The following SI variants were observed in gnomAD, a reference collection of about 807,000 sequenced individuals.
The protein encoded by SI is sucrase-isomaltase.
A neutral mutation model predicts 253.3 loss-of-function variants in SI; 235 were observed. The ratio of observed to expected loss-of-function variants is 0.93; its 90% CI spans 0.83 to 1.03. The LOEUF is 1.03. SI is among the 50% of genes least tolerant of loss of function. The pLI is 0.00. For missense variants in SI, 2,442 were observed against 2,211.1 expected (o/e 1.10, Z -2.09); for synonymous variants, 819 against 712.0 (o/e 1.15, Z -2.39).
chr3:165,081,856 C>A (rs1715338382), upstream of SI, among the ~76,000 whole-genome samples: 1 of 151,646 alleles, frequency 6.6e-6, no homozygotes, highest in South Asian at 2.1e-4. Flanking sequence ...ATACTGGATA[C>A]AAAAGATTTT....
chr3:165,071,399 C>T (rs6774370), intron 3 of SI, among the ~76,000 whole-genome samples: 88,387 of 151,338 alleles, frequency 0.58, 26,181 homozygotes, highest in East Asian at 0.81. Flanking sequence ...TTGCCTTCAT[C>T]TGACACAGTT....
Position 164,985,730 on chromosome 3 carries a change from T to C in SI, c.5197+1408A>G, listed in dbSNP as rs561764221. On this transcript the variant is annotated intron_variant, in intron 45 of 47. Transcript: ENST00000264382. The stretch of plus-strand genomic sequence containing the variant: ...GTCAACAAAATGTTCAGAACGCTCA[T>C]CTAGTAGTACTGACACTATTAAATA... 2.0e-5 allele frequency among the ~76,000 whole-genome samples: 3 copies of C among 152,286 alleles called. No homozygotes were observed. The South Asian group carries it at 6.2e-4, about 32-fold the overall frequency.
In SI at chr3:164,983,579, A is replaced by T. The variant is rs187008979; in HGVS notation, c.5198-528T>A. ...GTTTATAGCCACCTCTTTAAGGTAT[A>T]ATCATTATTTTTTAGTTTTTATTTT... On this transcript the variant is annotated intron_variant, in intron 45 of 47. Transcript: ENST00000264382. Among the ~76,000 whole-genome samples, 195 of 152,150 alleles carry T rather than the reference A, an allele frequency of 1.3e-3. 2 individuals are homozygous for T. Among genetic ancestry groups the T allele is most frequent in the Non-Finnish European group, 1.2e-4 (8 of 67,976 alleles).
rs1471827894 is a variant in SI, at chr3:165,069,182, T to C, written c.269A>G (p.Gln90Arg). 6.2e-7 allele frequency: 1 copy of C among 1,608,108 alleles called. No individual in the cohort carries two copies. Among genetic ancestry groups the C allele is most frequent in the Admixed American group, 1.7e-5 (1 of 59,964 alleles). The change falls in exon 4 of 48, where the codon CAG becomes CGG. Residue 90 changes from glutamine (Q) to arginine (R), a missense_variant. Transcript: ENST00000264382. ...EQFPTEGICA[Q>R]RGCCWRPWND... ...CCACGGCCTCCAGCAGCAGCCTCTC[T>C]GTGCACAAATTCCCTGATAAAATAT...
At chr3:165,058,877 C>CACACACAT in intron 12 of SI, 86 bp downstream of exon 12, 2 of 1,088,156 alleles carry the variant, frequency 1.8e-6, no homozygotes, top group Non-Finnish European at 2.8e-6. Flanking sequence ...CACACACACA[C>CACACACAT]ACACACACAC....
intron 44 of SI, among the ~76,000 whole-genome samples, chr3:164,988,892 A>T (rs1306859377): frequency 6.6e-6 from 1 of 152,106 alleles, no homozygotes; most frequent in Non-Finnish European, 1.5e-5. Context: ...TCTCAGGCAA[A>T]TAAGAGAAGG....
At chr3:165,050,040 A>G (rs1000026420) in intron 13 of SI, among the ~76,000 whole-genome samples, 165 bp from the exon 14 acceptor site, 2 of 152,168 alleles carry the variant, frequency 1.3e-5, no homozygotes, top group Non-Finnish European at 1.5e-5. Context: ...CAGAATGTCT[A>G]TATCAGATAA....
chr3:165,012,969 G>A lies in SI; in HGVS notation c.4062+11C>T, dbSNP rs747768310. 3.0e-5 allele frequency: 47 copies of A among 1,565,834 alleles called. No individual in the cohort carries two copies. The highest frequency in any genetic ancestry group is 3.3e-5 in the Admixed American group (2 of 59,942). On this transcript the variant is annotated intron_variant, in intron 34 of 47. Coordinates refer to ENST00000264382, the MANE Select transcript of SI (RefSeq NM_001041.4). The stretch of plus-strand genomic sequence containing the variant: ...TCTTCTCATTGTATAGTTAGCCCGT[G>A]TAAAACTTACATTAACAGCTTCATC...
rs747623135 is a variant in SI, at chr3:165,074,667, T to C, written c.119A>G (p.Glu40Gly). The change falls in exon 3 of 48, where the codon GAA becomes GGA. Residue 40 changes from glutamate (E) to glycine (G), a missense_variant and splice_region_variant. Glu to Gly is a moderately conservative substitution (Grantham distance 98). Transcript: ENST00000264382. ...TGGAGTTGAAGTAGAATCACTAATT[T>C]CTGGGGGAGGAAAAAACTCAATAAA... is the stretch of plus-strand genomic sequence containing the variant. ...VLATKTPAVD[E>G]ISDSTSTPAT... The C allele has an allele frequency of 1.6e-5, 25 of 1,607,962 alleles. No homozygotes were observed. Among genetic ancestry groups the C allele is most frequent in the Non-Finnish European group, 2.0e-5 (24 of 1,175,554 alleles).
rs1358195532 is a variant in SI at position 165,063,508 on chromosome 3, A to C, written c.841T>G (p.Phe281Val). Residue 281 changes from phenylalanine (F) to valine (V), a missense_variant, in exon 8 of 48, where the codon TTT becomes GTT. Phe to Val is a conservative substitution (Grantham distance 50, BLOSUM62 -1). Coordinates refer to ENST00000264382, the MANE Select transcript of SI (RefSeq NM_001041.4). ...CCAGATGTATCTTCAATACACATAA[A>C]GAATGTTTGATGGCCGTATAAATTA... ...NNNLYGHQTF[F>V]MCIEDTSGKS... 1 of 1,557,664 alleles carries C rather than the reference A, an allele frequency of 6.4e-7. No individual in the cohort carries two copies. The highest frequency in any genetic ancestry group is 1.7e-5 in the Admixed American group (1 of 58,942).
In SI at chr3:164,992,319, C is replaced by A. The variant is rs1717791764; in HGVS notation, c.4920G>T (p.Leu1640=). ...AATATGTGGTAGGACTTACAGGTTCCAGTACTGGGGTAACCATAAATGCTG... is the reference window on the plus strand; with the variant it reads ...AATATGTGGTAGGACTTACAGGTTCAAGTACTGGGGTAACCATAAATGCTG... ...WGPAFMVTPV[L]EPYVQTVNAY... is the part of the protein sequence containing the mutation. Residue 1640 remains leucine, a synonymous_variant, in exon 42 of 48, where the codon CTG becomes CTT. Coordinates refer to ENST00000264382, the MANE Select transcript of SI (RefSeq NM_001041.4). The A allele has an allele frequency of 6.2e-7, 1 of 1,613,218 alleles. No individual in the cohort carries two copies. Among genetic ancestry groups the A allele is most frequent in the Non-Finnish European group, 8.5e-7 (1 of 1,179,416 alleles).
At chr3:165,031,230 G>A (rs542704767) in intron 24 of SI, among the ~76,000 whole-genome samples, 10 of 149,646 alleles carry the variant, frequency 6.7e-5, no homozygotes, top group South Asian at 2.1e-4. Flanking sequence ...CATCTGCATA[G>A]CTTACTTTTT....
intron 6 of SI, among the ~76,000 whole-genome samples, 159 bp downstream of exon 6, chr3:165,067,181 C>G (rs940351208): frequency 2.0e-5 from 3 of 151,946 alleles, no homozygotes; most frequent in African/African-American, 7.2e-5. Flanking sequence ...CTTTCATCCA[C>G]AAGAAACCAA....
rs558092807 is a variant in SI, at chr3:165,054,509, C to T, written c.1512+685G>A. 2.0e-5 allele frequency among the ~76,000 whole-genome samples: 3 copies of T among 152,134 alleles called. No individual in the cohort carries two copies. The South Asian group carries it at 6.2e-4, about 32-fold the overall frequency. ...TGCCTCAGTTACAGGCATGTGCCACCAAGCCCAACTAATTTTTGTATTTTT... is the reference window on the plus strand; with the variant it reads ...TGCCTCAGTTACAGGCATGTGCCACTAAGCCCAACTAATTTTTGTATTTTT... On this transcript the variant is annotated intron_variant, in intron 13 of 47. Transcript: ENST00000264382.
intron 37 of SI, among the ~76,000 whole-genome samples, chr3:165,002,634 T>C (rs1360231388): frequency 2.0e-5 from 3 of 151,764 alleles, no homozygotes; most frequent in Non-Finnish European, 4.4e-5. Flanking sequence ...AGAAAGACTT[T>C]ACTCTTCATA....
At chr3:165,072,322 G>A (rs1036676345) in intron 3 of SI, among the ~76,000 whole-genome samples, 8 of 151,828 alleles carry the variant, frequency 5.3e-5, no homozygotes, top group South Asian at 2.1e-4. Context: ...TAGTTGATCC[G>A]TTAAGATGGT....
chr3:165,033,513 T>C (rs1257818991), intron 22 of SI, 69 bp from the exon 23 acceptor site: 11 of 1,327,426 alleles, frequency 8.3e-6, no homozygotes, highest in African/African-American at 3.0e-5. Context: ...TTTACACTTA[T>C]ACAACACTTA....
At chr3:165,057,488 T>G (rs748004670) in intron 12 of SI, among the ~76,000 whole-genome samples, 1 of 151,776 alleles carries the variant, frequency 6.6e-6, no homozygotes, top group Non-Finnish European at 1.5e-5. Context: ...AGGAAAGATA[T>G]AGAACACCAA....
intron 27 of SI, among the ~76,000 whole-genome samples, 192 bp downstream of exon 27, chr3:165,021,037 G>A (rs1711580927): frequency 6.6e-6 from 1 of 151,224 alleles, no homozygotes; most frequent in Admixed American, 6.6e-5. Context: ...ATAAAATTGT[G>A]GGCCAATCCT....
Sources: allele counts gnomAD v4.1 joint callset (sites outside exome capture counted in the v4.1 genomes callset), GRCh38; gene constraint gnomAD v4.1.1; transcripts MANE v1.5; gene names NCBI Gene and HGNC (gene_info 2026-07-23, HGNC 2026-07-21).